The following KSR2 variants were observed in gnomAD, a reference collection of about 807,000 sequenced individuals.
KSR2 encodes the protein kinase suppressor of ras 2.
In KSR2, 25 loss-of-function variants were observed where a neutral mutation model predicts 107.8. The observed-to-expected ratio is 0.23, with a 90% CI of 0.17 to 0.32. KSR2 has a LOEUF of 0.32. Ranked by LOEUF, KSR2 falls within the 10% of genes least tolerant of loss-of-function variation. The pLI is 1.00. For missense variants in KSR2, 887 were observed against 1,268.9 expected (o/e 0.70, Z 4.57); for synonymous variants, 480 against 507.0 (o/e 0.95, Z 0.71).
At chr12:117,727,212 TA>T (rs56217436) in intron 4 of KSR2, among the ~76,000 whole-genome samples, 1,574 of 139,778 alleles carry the variant, frequency 0.011, 11 homozygotes, top group Non-Finnish European at 0.015. Context: ...CCCATCTCTA[TA>T]AAAAAAAAAA....
intron 4 of KSR2, among the ~76,000 whole-genome samples, chr12:117,687,815 GA>G (rs1187222802): frequency 6.6e-6 from 1 of 151,900 alleles, no homozygotes; most frequent in African/African-American, 2.4e-5. Flanking sequence ...ACACACGATG[GA>G]AAAAAATATT....
intron 12 of KSR2, among the ~76,000 whole-genome samples, 183 bp from the exon 13 acceptor site, chr12:117,527,302 GACACACACACACAC>G (rs754390805): frequency 1.5e-5 from 1 of 67,678 alleles, no homozygotes; most frequent in Non-Finnish European, 3.5e-5. Flanking sequence ...CACACACACA[GACACACACACACAC>G]ACACACACAG....
At chr12:117,885,056 A>C (rs1190220737) in intron 1 of KSR2, among the ~76,000 whole-genome samples, 1 of 152,056 alleles carries the variant, frequency 6.6e-6, no homozygotes, top group Non-Finnish European at 1.5e-5. Context: ...ATGTTACTTC[A>C]CCCACCGGGG....
chr12:117,692,133 T>A (rs1885839835), intron 4 of KSR2, among the ~76,000 whole-genome samples: 1 of 151,984 alleles, frequency 6.6e-6, no homozygotes, highest in African/African-American at 2.4e-5. Context: ...CCAGTTAACA[T>A]ATGGCGAACG....
chr12:117,780,679 G>A (rs1214967539), intron 3 of KSR2, among the ~76,000 whole-genome samples: 5 of 152,268 alleles, frequency 3.3e-5, no homozygotes, highest in Admixed American at 3.3e-4. Flanking sequence ...CTTAAAAATT[G>A]TTAAAATGGT....
At position 117,487,188 on chromosome 12, in the gene KSR2, A is replaced by G. The variant is rs146971061; in HGVS notation, c.2220-1497T>C. 3.5e-3 allele frequency among the ~76,000 whole-genome samples: 539 copies of G among 152,376 alleles called. 16 individuals carry two copies. The highest frequency in any genetic ancestry group is 0.028 in the Admixed American group (435 of 15,310). On this transcript the variant is annotated intron_variant, in intron 14 of 19. Coordinates refer to ENST00000339824, the MANE Select transcript of KSR2 (RefSeq NM_173598.6). ...ATTATAAAAAGTTGTTAAGTGATTA[A>G]TAAAATAGTAAACAGACACACATAC...
At chr12:117,812,699 AT>A (rs1330321339) in intron 3 of KSR2, among the ~76,000 whole-genome samples, 4 of 152,272 alleles carry the variant, frequency 2.6e-5, no homozygotes, top group Non-Finnish European at 5.9e-5. Flanking sequence ...GAATGGAAAA[AT>A]TAATATTGTT....
chr12:117,513,685 C>T (rs536845403), intron 14 of KSR2, among the ~76,000 whole-genome samples: 2 of 152,150 alleles, frequency 1.3e-5, no homozygotes, highest in South Asian at 4.2e-4. Flanking sequence ...TTAAGGTGTC[C>T]GTGGGACATA....
chr12:117,810,756 G>C (rs1488295601), intron 3 of KSR2, among the ~76,000 whole-genome samples: 2 of 152,172 alleles, frequency 1.3e-5, no homozygotes, highest in Admixed American at 1.3e-4. Context: ...AACCATCCCA[G>C]ACCTCCAGCT....
chr12:117,752,218 G>A (rs1888636249), intron 4 of KSR2, among the ~76,000 whole-genome samples: 1 of 152,202 alleles, frequency 6.6e-6, no homozygotes, highest in African/African-American at 2.4e-5. Flanking sequence ...ATCCAGCCTG[G>A]TTCTCTCTGC....
intron 4 of KSR2, among the ~76,000 whole-genome samples, chr12:117,670,250 G>A (rs955606799): frequency 3.9e-5 from 6 of 152,202 alleles, no homozygotes; most frequent in African/African-American, 1.2e-4. Context: ...AGCAACAACA[G>A]CCACTGTTAC....
chr12:117,584,864 C>G (rs911588320), intron 5 of KSR2, among the ~76,000 whole-genome samples: 3 of 152,200 alleles, frequency 2.0e-5, no homozygotes, highest in African/African-American at 7.2e-5. Context: ...ACAAAAGGAG[C>G]TCAGAGAAGT....
At chr12:117,721,327 A>G (rs1348777) in intron 4 of KSR2, among the ~76,000 whole-genome samples, 67,346 of 152,038 alleles carry the variant, frequency 0.44, 15,729 homozygotes, top group African/African-American at 0.59. Context: ...TATAATGAAC[A>G]ACTATCTATG....
chr12:117,864,041 G>T (rs1008102775), intron 1 of KSR2, among the ~76,000 whole-genome samples: 2 of 152,162 alleles, frequency 1.3e-5, no homozygotes, highest in African/African-American at 4.8e-5. Flanking sequence ...AACTTCTGGG[G>T]ATTAGGAGGT....
chr12:117,890,300 C>T (rs1360331273), intron 1 of KSR2, among the ~76,000 whole-genome samples: 1 of 152,184 alleles, frequency 6.6e-6, no homozygotes, highest in Non-Finnish European at 1.5e-5. Context: ...CTAGTTTGAT[C>T]TTCATACCAA....
At chr12:117,698,221 G>A (rs553249493) in intron 4 of KSR2, among the ~76,000 whole-genome samples, 12 of 152,216 alleles carry the variant, frequency 7.9e-5, no homozygotes, top group Non-Finnish European at 1.5e-4. Context: ...ATGGTACTTT[G>A]TTACAGCAAC....
At chr12:117,600,445 G>T (rs79630445) in intron 5 of KSR2, among the ~76,000 whole-genome samples, 6,607 of 152,190 alleles carry the variant, frequency 0.043, 251 homozygotes, top group East Asian at 0.16. Context: ...CTCTGAATGC[G>T]TCCCTGGACC....
chr12:117,778,655 G>A (rs1447681627), intron 3 of KSR2, among the ~76,000 whole-genome samples: 1 of 152,152 alleles, frequency 6.6e-6, no homozygotes, highest in East Asian at 1.9e-4. Context: ...TCCACCAGCT[G>A]GGAAGAATGG....
chr12:117,610,670 T>C (rs1881541501), intron 5 of KSR2, among the ~76,000 whole-genome samples: 1 of 144,924 alleles, frequency 6.9e-6, no homozygotes, highest in African/African-American at 2.6e-5. Flanking sequence ...GCCCAGGAGG[T>C]CAAGGCTGCA....
Sources: gnomAD v4.1 joint callset for allele counts (sites outside exome capture counted in the v4.1 genomes callset) on GRCh38, gnomAD v4.1.1 for gene constraint, MANE v1.5 for transcripts, NCBI Gene and HGNC (gene_info 2026-07-23, HGNC 2026-07-21) for gene names.